The following COBL variants were observed in gnomAD, a reference collection of about 807,000 sequenced individuals.
COBL encodes protein cordon-bleu.
A neutral mutation model predicts 98.8 loss-of-function variants in COBL; 51 were observed. That is an observed-to-expected ratio of 0.52 (90% confidence interval 0.41 to 0.65). COBL has a LOEUF of 0.65. Ranked by LOEUF, COBL falls within the 30% of genes least tolerant of loss-of-function variation. COBL has a pLI of 0.00. For missense variants in COBL, 1,617 were observed against 1,617.5 expected (o/e 1.00, Z 0.01); for synonymous variants, 634 against 651.7 (o/e 0.97, Z 0.41).
At chr7:51,234,602 G>A (rs1328151194) in intron 1 of COBL, among the ~76,000 whole-genome samples, 1 of 151,656 alleles carries the variant, frequency 6.6e-6, no homozygotes, top group Non-Finnish European at 1.5e-5. Context: ...TCTGGTGGCT[G>A]AGGTGGAAGA....
At chr7:51,023,488 C>T (rs1345818354) in intron 12 of COBL, among the ~76,000 whole-genome samples, 1 of 152,234 alleles carries the variant, frequency 6.6e-6, no homozygotes, top group African/African-American at 2.4e-5. Flanking sequence ...CCCACCCTCA[C>T]ACTGGGACAA....
chr7:51,285,914 ACAAT>A (rs1450770368), intron 1 of COBL, among the ~76,000 whole-genome samples: 2 of 152,382 alleles, frequency 1.3e-5, no homozygotes, highest in East Asian at 3.9e-4. Context: ...AACAAGACTG[ACAAT>A]CAAGAAATAG....
intron 1 of COBL, among the ~76,000 whole-genome samples, chr7:51,310,300 T>G (rs1037030527): frequency 6.6e-6 from 1 of 152,178 alleles, no homozygotes; most frequent in African/African-American, 2.4e-5. Flanking sequence ...AGGATGGGCC[T>G]GCAGGCTGCG....
chr7:51,237,377 T>C (rs961726971), intron 1 of COBL, among the ~76,000 whole-genome samples: 1 of 152,204 alleles, frequency 6.6e-6, no homozygotes, highest in African/African-American at 2.4e-5. Context: ...TTGTTTCCTA[T>C]GTTGAAAATA....
Position 51,027,971 on chromosome 7 carries a change from C to T in COBL, c.3125G>A (p.Arg1042His), listed in dbSNP as rs1352942969. ...GGAAGGCTCGCCGTGGCCTGGGGCG[C>T]GCACAGAGCCATTGACCAGCTCCCT... ...CSRELVNGSV[R>H]APGHGEPSHP... The change falls in exon 10 of 13, where the codon CGC becomes CAC. Residue 1042 changes from arginine (R) to histidine (H), a missense_variant. Arg to His is a conservative substitution (Grantham distance 29). This residue lies in a region of COBL where 1,304 missense variants were observed against 1,282.0 expected (regional missense o/e 1.02). Transcript: ENST00000265136. The T allele has an allele frequency of 1.1e-5, 18 of 1,606,348 alleles. No individual in the cohort carries two copies. Among genetic ancestry groups the T allele is most frequent in the East Asian group, 4.5e-5 (2 of 44,834 alleles).
chr7:51,314,705 G>T (rs1032341120), intron 1 of COBL, among the ~76,000 whole-genome samples: 29 of 152,204 alleles, frequency 1.9e-4, no homozygotes, highest in African/African-American at 6.8e-4. Context: ...AAAATAATAT[G>T]TCTACATTTC....
rs1198112758 is a variant in COBL at position 51,028,358 on chromosome 7, T to A, written c.2738A>T (p.Asp913Val). 6.2e-7 allele frequency: 1 copy of A among 1,614,246 alleles called. No individual in the cohort carries two copies. The highest frequency in any genetic ancestry group is 2.2e-5 in the East Asian group (1 of 44,882). Residue 913 changes from aspartate to valine, a missense_variant, in exon 10 of 13, where the codon GAC becomes GTC. Transcript: ENST00000265136. ...CTCTGAGTGTGGGCTGGATGTCCTGTCATCTTTCACAGTGACAGGTGGTGC... is the reference window on the plus strand; with the variant it reads ...CTCTGAGTGTGGGCTGGATGTCCTGACATCTTTCACAGTGACAGGTGGTGC... ...LAAPPVTVKD[D>V]RTSSPHSETQ...
intron 7 of COBL, among the ~76,000 whole-genome samples, chr7:51,080,749 C>G (rs542045248): frequency 2.0e-5 from 3 of 152,282 alleles, no homozygotes; most frequent in African/African-American, 7.2e-5. Flanking sequence ...AGCTTCCACA[C>G]AGCCAAAAAT....
chr7:51,159,396 G>A (rs1786552772), intron 5 of COBL, among the ~76,000 whole-genome samples: 1 of 152,208 alleles, frequency 6.6e-6, no homozygotes, highest in Non-Finnish European at 1.5e-5. Flanking sequence ...CTGGCCCGAG[G>A]CACTGTGATG....
At chr7:51,125,006 G>T (rs556299794) in intron 6 of COBL, among the ~76,000 whole-genome samples, 1 of 152,128 alleles carries the variant, frequency 6.6e-6, no homozygotes, top group East Asian at 1.9e-4. Context: ...TAGAGACAAG[G>T]TTTTCCCATT....
At chr7:51,209,452 G>A (rs1002114955) in intron 2 of COBL, among the ~76,000 whole-genome samples, 3 of 152,264 alleles carry the variant, frequency 2.0e-5, no homozygotes, top group Admixed American at 2.0e-4. Context: ...ACAGCGGGGC[G>A]TGCAGGTTAA....
At chr7:51,053,569 C>T (rs908005475) in intron 7 of COBL, among the ~76,000 whole-genome samples, 13 of 152,242 alleles carry the variant, frequency 8.5e-5, no homozygotes, top group African/African-American at 3.1e-4. Context: ...ATCTGAGCCT[C>T]GTCTCTTGCA....
At chr7:51,095,191 A>G (rs1795162311) in intron 6 of COBL, among the ~76,000 whole-genome samples, 1 of 152,208 alleles carries the variant, frequency 6.6e-6, no homozygotes, top group Admixed American at 6.5e-5. Flanking sequence ...ATCATGTCTT[A>G]CATGGCGGCA....
In COBL at chr7:51,111,018, C is replaced by T. The variant is rs184144667; in HGVS notation, c.957+25140G>A. Among the ~76,000 whole-genome samples the T allele has an allele frequency of 1.5e-3, 234 of 152,286 alleles. 1 individual carries two copies. Among genetic ancestry groups the T allele is most frequent in the African/African-American group, 3.9e-3 (161 of 41,562 alleles). ...AACATGCGTGTGCAAGTATCTTTTT[C>T]GAATAATGACTTCTTTTCCTCTGGG... On this transcript the variant is annotated intron_variant, in intron 6 of 12. Coordinates refer to ENST00000265136, the MANE Select transcript of COBL (RefSeq NM_015198.5).
In COBL at chr7:51,029,053, A is replaced by G; in HGVS notation, c.2043T>C (p.Ala681=). 1 of 1,614,134 alleles carries G rather than the reference A, an allele frequency of 6.2e-7. No homozygotes were observed. Residue 681 remains alanine, a synonymous_variant, in exon 10 of 13, where the codon GCT becomes GCC. Coordinates refer to ENST00000265136, the MANE Select transcript of COBL (RefSeq NM_015198.5). ...GGTGCCATGATGTTGGTGCCAAGGC[A>G]GCGTTTTTATCGTTGCTGTCCTTTT... ...VNEKDSNDKN[A]ALAPTSWHQR... is the part of the protein sequence containing the mutation.
chr7:51,045,690 A>G lies in COBL; in HGVS notation c.1097-1998T>C, dbSNP rs187411959. On this transcript the variant is annotated intron_variant, in intron 7 of 12. Coordinates refer to ENST00000265136, the MANE Select transcript of COBL (RefSeq NM_015198.5). ...TGGTACATGCCCTCTGGAGGCACAG[A>G]ACACATCGCAGGGCAGAGGGACTCT... 3.3e-3 allele frequency among the ~76,000 whole-genome samples: 501 copies of G among 152,296 alleles called. 13 individuals carry two copies. In the South Asian group the frequency reaches 0.044, roughly 13 times the overall value.
intron 1 of COBL, chr7:51,316,323 G>T: frequency 3.4e-6 from 1 of 293,674 alleles, no homozygotes; most frequent in Non-Finnish European, 6.3e-6. Context: ...AAGGACGCCT[G>T]CATACAAACC....
chr7:51,235,387 G>A (rs1396083612), intron 1 of COBL, among the ~76,000 whole-genome samples: 1 of 152,180 alleles, frequency 6.6e-6, no homozygotes, highest in Admixed American at 6.5e-5. Flanking sequence ...ACTGTGTGAT[G>A]TGGCTAAGCA....
chr7:51,109,545 T>A (rs1796640588), intron 6 of COBL, among the ~76,000 whole-genome samples: 1 of 152,162 alleles, frequency 6.6e-6, no homozygotes, highest in Non-Finnish European at 1.5e-5. Flanking sequence ...CCCCTGCTTT[T>A]ATTCAGGCCC....
Sources: allele counts gnomAD v4.1 joint callset (sites outside exome capture counted in the v4.1 genomes callset), GRCh38; gene constraint gnomAD v4.1.1; regional missense constraint gnomAD v4.1.1; transcripts MANE v1.5; gene names NCBI Gene and HGNC (gene_info 2026-07-23, HGNC 2026-07-21).